Variants in CACHD1 observed in about 807,000 individuals in gnomAD.
The protein encoded by CACHD1 is cache domain containing 1, also known as VWFA and cache domain-containing protein 1.
A neutral mutation model predicts 138.7 loss-of-function variants in CACHD1; 71 were observed. The ratio of observed to expected loss-of-function variants is 0.51; its 90% CI spans 0.42 to 0.62. The LOEUF is 0.62. Ranked by LOEUF, CACHD1 falls within the 20% of genes least tolerant of loss-of-function variation. CACHD1 has a pLI of 0.00. For synonymous variants in CACHD1, 578 were observed against 591.5 expected, an observed-to-expected ratio of 0.98 and a Z score of 0.33; for missense variants, 1,389 against 1,625.3, an observed-to-expected ratio of 0.85 and a Z score of 2.50.
intron 2 of CACHD1, among the ~76,000 whole-genome samples, chr1:64,574,273 CAG>C (rs1277246752): frequency 6.6e-6 from 1 of 152,168 alleles, no homozygotes; most frequent in East Asian, 1.9e-4. Context: ...AAAACTGGGA[CAG>C]AGAGAATATC....
chr1:64,511,068 A>G (rs898979755), intron 1 of CACHD1, among the ~76,000 whole-genome samples: 7 of 152,184 alleles, frequency 4.6e-5, no homozygotes, highest in Admixed American at 4.6e-4. Context: ...GATCATAGAT[A>G]TTTTGGACTG....
rs562451778 is a variant in CACHD1, at chr1:64,676,245, G to A, written c.2975+262G>A. ...GCTACATACAAAAAAATGTGAGAAT[G>A]TTTCAAGCATTTACTAAGTGTCTAC... is the stretch of plus-strand genomic sequence containing the variant. On this transcript the variant is annotated intron_variant, in intron 21 of 26. Coordinates refer to ENST00000651257, the MANE Select transcript of CACHD1 (RefSeq NM_020925.4). Among the ~76,000 whole-genome samples, 22 of 152,154 alleles carry A rather than the reference G, an allele frequency of 1.4e-4. 1 individual carries two copies. Among genetic ancestry groups the A allele is most frequent in the Non-Finnish European group, 2.6e-4 (18 of 67,996 alleles).
At chr1:64,515,897 C>T (rs562489588) in intron 1 of CACHD1, among the ~76,000 whole-genome samples, 4 of 152,212 alleles carry the variant, frequency 2.6e-5, no homozygotes, top group African/African-American at 9.6e-5. Flanking sequence ...CTTCTTTTGC[C>T]TAGCTCTACT....
At chr1:64,559,205 T>C (rs1646820740) in intron 2 of CACHD1, among the ~76,000 whole-genome samples, 1 of 152,230 alleles carries the variant, frequency 6.6e-6, no homozygotes, top group Admixed American at 6.5e-5. Context: ...CGAATGTTCA[T>C]TGCCACACTG....
intron 1 of CACHD1, among the ~76,000 whole-genome samples, chr1:64,519,826 C>T (rs1315116783): frequency 5.1e-5 from 7 of 136,300 alleles, no homozygotes; most frequent in Non-Finnish European, 1.0e-4. Flanking sequence ...ATACACAACT[C>T]CTAGGTGCTT....
chr1:64,471,456 G>C (rs1646143973), intron 1 of CACHD1, among the ~76,000 whole-genome samples: 1 of 152,204 alleles, frequency 6.6e-6, no homozygotes, highest in Non-Finnish European at 1.5e-5. Context: ...AATGGGCGCC[G>C]GGAGGGAAGG....
intron 1 of CACHD1, among the ~76,000 whole-genome samples, chr1:64,498,502 C>G (rs534002870): frequency 6.6e-6 from 1 of 152,330 alleles, no homozygotes; most frequent in African/African-American, 2.4e-5. Context: ...GAATCTGAAG[C>G]TCAGCGCAAT....
intron 12 of CACHD1, among the ~76,000 whole-genome samples, chr1:64,657,271 T>C (rs559162843): frequency 1.3e-5 from 2 of 152,222 alleles, no homozygotes; most frequent in Non-Finnish European, 2.9e-5. Context: ...TTCCTTTTAA[T>C]GTAGAGACTA....
intron 1 of CACHD1, among the ~76,000 whole-genome samples, chr1:64,511,753 G>A (rs995524011): frequency 6.6e-6 from 1 of 152,212 alleles, no homozygotes; most frequent in African/African-American, 2.4e-5. Context: ...TTAGCACTTT[G>A]AGTTGGGAAA....
intron 3 of CACHD1, among the ~76,000 whole-genome samples, chr1:64,601,268 C>T (rs1253770600): frequency 2.6e-5 from 4 of 152,158 alleles, no homozygotes; most frequent in Admixed American, 2.6e-4. Context: ...AGGGAATAGA[C>T]TTAGTGTGGC....
chr1:64,691,596 G>T lies in CACHD1; in HGVS notation c.*35G>T. ...CACCTCCACGCCAAGATGAGATCTGGGAGCTACAGAATGTTCTGGAAAGAA... is the reference window on the plus strand; with the variant it reads ...CACCTCCACGCCAAGATGAGATCTGTGAGCTACAGAATGTTCTGGAAAGAA... On this transcript the variant is annotated 3_prime_UTR_variant, in exon 27 of 27. Transcript: ENST00000651257. The T allele has an allele frequency of 6.4e-7, 1 of 1,573,814 alleles. No homozygotes were observed. Among genetic ancestry groups the T allele is most frequent in the Non-Finnish European group, 8.7e-7 (1 of 1,143,840 alleles).
chr1:64,654,855 T>C, intron 12 of CACHD1, 52 bp downstream of exon 12: 1 of 1,347,754 alleles, frequency 7.4e-7, no homozygotes, highest in Middle Eastern at 1.8e-4. Context: ...TACAGTGCTC[T>C]TCTTCATGTT....
At chr1:64,543,390 TA>T (rs1490473800) in intron 1 of CACHD1, among the ~76,000 whole-genome samples, 11 of 98,774 alleles carry the variant, frequency 1.1e-4, no homozygotes, top group Admixed American at 1.4e-4. Context: ...ATCCTATCTC[TA>T]AAAAAAAATA....
intron 1 of CACHD1, among the ~76,000 whole-genome samples, chr1:64,540,590 T>G (rs1646669870): frequency 6.6e-6 from 1 of 152,200 alleles, no homozygotes; most frequent in African/African-American, 2.4e-5. Flanking sequence ...TTATTGCATT[T>G]AGGGAAGTGT....
chr1:64,685,628 T>TA (rs938377591), intron 26 of CACHD1, among the ~76,000 whole-genome samples: 4 of 151,984 alleles, frequency 2.6e-5, no homozygotes, highest in Admixed American at 6.6e-5. Flanking sequence ...AAGGTAGGAT[T>TA]AAAAATTTTT....
chr1:64,535,708 T>C (rs1646627249), intron 1 of CACHD1, among the ~76,000 whole-genome samples: 1 of 152,164 alleles, frequency 6.6e-6, no homozygotes, highest in South Asian at 2.1e-4. Context: ...AATGTCTCCA[T>C]TTGAAACGTC....
chr1:64,565,666 G>T (rs548371021), intron 2 of CACHD1, among the ~76,000 whole-genome samples: 1 of 152,284 alleles, frequency 6.6e-6, no homozygotes, highest in African/African-American at 2.4e-5. Flanking sequence ...CTGAAAGAGA[G>T]CCTGAGAGGA....
chr1:64,644,193 C>A (rs1054875723), intron 8 of CACHD1, among the ~76,000 whole-genome samples: 1 of 152,236 alleles, frequency 6.6e-6, no homozygotes, highest in African/African-American at 2.4e-5. Context: ...TCTCTGACCA[C>A]CTGTTGCTCT....
At chr1:64,514,591 A>G (rs1482223401) in intron 1 of CACHD1, among the ~76,000 whole-genome samples, 1 of 152,222 alleles carries the variant, frequency 6.6e-6, no homozygotes, top group Admixed American at 6.5e-5. Flanking sequence ...ATAGTTGACC[A>G]TAGGATCATT....
Sources: allele counts gnomAD v4.1 joint callset (sites outside exome capture counted in the v4.1 genomes callset), GRCh38; gene constraint gnomAD v4.1.1; transcripts MANE v1.5; gene names NCBI Gene and HGNC (gene_info 2026-07-23, HGNC 2026-07-21).